Variants in IQCK observed in about 807,000 individuals in gnomAD.
IQCK encodes the protein IQ domain-containing protein K.
A neutral mutation model predicts 28.1 loss-of-function variants in IQCK; 29 were observed. The observed-to-expected ratio is 1.03, with a 90% CI of 0.77 to 1.41. The LOEUF is 1.41. IQCK is among the 40% of genes most tolerant of loss of function. The pLI, the probability that IQCK is intolerant of heterozygous loss-of-function variation, is 0.00. For missense variants in IQCK, 359 were observed against 314.7 expected (o/e 1.14, Z -1.07); for synonymous variants, 113 against 115.1 (o/e 0.98, Z 0.12).
intron 6 of IQCK, among the ~76,000 whole-genome samples, chr16:19,786,102 A>G (rs535293741): frequency 2.0e-5 from 3 of 152,282 alleles, no homozygotes; most frequent in East Asian, 1.9e-4. Context: ...TTCACTGCCA[A>G]CACACCAAGG....
intron 2 of IQCK, among the ~76,000 whole-genome samples, chr16:19,731,433 A>G (rs1375411532): frequency 6.6e-6 from 1 of 152,158 alleles, no homozygotes; most frequent in Non-Finnish European, 1.5e-5. Flanking sequence ...TGTGTCTAAA[A>G]ACTTTCTTGT....
intron 6 of IQCK, among the ~76,000 whole-genome samples, chr16:19,782,485 G>C (rs1237133615): frequency 1.3e-5 from 2 of 152,038 alleles, no homozygotes; most frequent in Admixed American, 1.3e-4. Context: ...AAAATTAGCT[G>C]GGAATGGTGG....
chr16:19,739,393 A>C (rs2054801440), intron 4 of IQCK, among the ~76,000 whole-genome samples: 2 of 152,246 alleles, frequency 1.3e-5, no homozygotes, highest in African/African-American at 4.8e-5. Context: ...TCTGCTGATG[A>C]GAACTGTAAA....
At chr16:19,748,619 G>A (rs1330900697) in intron 4 of IQCK, among the ~76,000 whole-genome samples, 2 of 152,066 alleles carry the variant, frequency 1.3e-5, no homozygotes, top group African/African-American at 2.4e-5. Context: ...ACCTGTAAAG[G>A]AGTGCTATTC....
intron 4 of IQCK, among the ~76,000 whole-genome samples, chr16:19,755,936 A>G (rs1313247540): frequency 6.6e-6 from 1 of 152,216 alleles, no homozygotes; most frequent in Non-Finnish European, 1.5e-5. Context: ...TAATGCCAGC[A>G]CTTTGGGAGG....
intron 6 of IQCK, among the ~76,000 whole-genome samples, chr16:19,783,892 A>C (rs1298797259): frequency 1.3e-5 from 2 of 152,174 alleles, no homozygotes; most frequent in African/African-American, 2.4e-5. Context: ...TTACTGGTGA[A>C]AGCCCTCTGT....
At chr16:19,726,198 GC>G (rs1328687783) in intron 1 of IQCK, among the ~76,000 whole-genome samples, 1 of 148,758 alleles carries the variant, frequency 6.7e-6, no homozygotes, top group East Asian at 1.9e-4. Flanking sequence ...ACATGCGTGA[GC>G]CACCGTGCCC....
intron 4 of IQCK, among the ~76,000 whole-genome samples, chr16:19,759,602 T>C (rs2055107997): frequency 6.6e-6 from 1 of 152,122 alleles, no homozygotes; most frequent in Non-Finnish European, 1.5e-5. Flanking sequence ...CTAGGGAAGA[T>C]AGACATGGCA....
rs763358167 is a variant in IQCK, at chr16:19,718,394, CCCA to C, written c.91_93del (p.Thr31del). On this transcript the variant is annotated inframe_deletion, in exon 1 of 8. Transcript: ENST00000564186. The stretch of plus-strand genomic sequence containing the variant: ...CTCGTCGTTCACCCGGACGCCGGTG[CCCA>C]CCGTGTCTCTCGCGTCCCGCGAGCT... 6.6e-5 allele frequency: 106 copies of C among 1,606,464 alleles called. 1 individual carries two copies. In the Middle Eastern group the frequency reaches 6.6e-4, roughly 10 times the overall value.
At chr16:19,765,317 C>A (rs962480770) in intron 6 of IQCK, among the ~76,000 whole-genome samples, 3 of 151,202 alleles carry the variant, frequency 2.0e-5, no homozygotes, top group Non-Finnish European at 4.4e-5. Context: ...GTGGGCAGAT[C>A]ACTTGAGGTC....
chr16:19,831,413 C>A (rs12933291), downstream of IQCK, among the ~76,000 whole-genome samples: 10,835 of 152,226 alleles, frequency 0.071, 689 homozygotes, highest in South Asian at 0.27. Flanking sequence ...CTTTAACTGT[C>A]GCCGAGTTGA....
chr16:19,728,290 C>T (rs2151677567), intron 1 of IQCK, among the ~76,000 whole-genome samples: 1 of 152,140 alleles, frequency 6.6e-6, no homozygotes, highest in Non-Finnish European at 1.5e-5. Context: ...ACTCTGTCAC[C>T]CAGGCTGGAG....
chr16:19,818,940 G>A (rs1383846423), intron 7 of IQCK, among the ~76,000 whole-genome samples: 1 of 152,080 alleles, frequency 6.6e-6, no homozygotes, highest in Non-Finnish European at 1.5e-5. Context: ...TAAAGCTCTG[G>A]GGTGGCATTG....
At chr16:19,853,825 A>G (rs2056518527) in intron 9 of IQCK, among the ~76,000 whole-genome samples, 1 of 152,110 alleles carries the variant, frequency 6.6e-6, no homozygotes, top group South Asian at 2.1e-4. Flanking sequence ...ACAGGGTTTC[A>G]CCATGTTGGC....
At chr16:19,758,415 A>G (rs2055084690) in intron 4 of IQCK, among the ~76,000 whole-genome samples, 1 of 152,216 alleles carries the variant, frequency 6.6e-6, no homozygotes, top group African/African-American at 2.4e-5. Flanking sequence ...CATGACCGTC[A>G]TACATCAGAC....
chr16:19,831,189 G>T (rs1597597794), downstream of IQCK, among the ~76,000 whole-genome samples: 1 of 152,222 alleles, frequency 6.6e-6, no homozygotes, highest in East Asian at 1.9e-4. Context: ...GAGGACAGAT[G>T]CAGAGAGCTA....
intron 4 of IQCK, among the ~76,000 whole-genome samples, chr16:19,735,941 C>G (rs1010338327): frequency 6.6e-5 from 10 of 151,968 alleles, no homozygotes; most frequent in African/African-American, 2.2e-4. Context: ...TGGCGCATAC[C>G]TGTAGCCTCA....
chr16:19,810,623 G>A (rs1354592635), intron 7 of IQCK, among the ~76,000 whole-genome samples: 2 of 152,070 alleles, frequency 1.3e-5, no homozygotes, highest in Admixed American at 6.6e-5. Flanking sequence ...GACTAGCCTG[G>A]CCAACATGGC....
chr16:19,730,616 G>A (rs1977802861), intron 2 of IQCK, 122 bp downstream of exon 2: 9 of 663,464 alleles, frequency 1.4e-5, no homozygotes, highest in South Asian at 3.8e-5. Flanking sequence ...GCACTGGAGC[G>A]AGAACCAGAA....
Sources: gnomAD v4.1 joint callset for allele counts (sites outside exome capture counted in the v4.1 genomes callset) on GRCh38, gnomAD v4.1.1 for gene constraint, MANE v1.5 for transcripts, NCBI Gene and HGNC (gene_info 2026-07-23, HGNC 2026-07-21) for gene names.